The following ZC3H12D variants were observed in gnomAD, a reference collection of about 807,000 sequenced individuals.
The protein encoded by ZC3H12D is zinc finger CCCH-type containing 12D.
Under a neutral mutation model 24.2 loss-of-function variants are expected in ZC3H12D, and 11 were observed. That is an observed-to-expected ratio of 0.46 (90% CI 0.29 to 0.75). The LOEUF is 0.75. Ranked by LOEUF, ZC3H12D falls within the 30% of genes least tolerant of loss-of-function variation. The pLI is 0.11. For missense variants in ZC3H12D, 740 were observed against 767.7 expected (o/e 0.96, Z 0.43); for synonymous variants, 333 against 341.8 (o/e 0.97, Z 0.28).
At position 149,478,902 on chromosome 6, in the gene ZC3H12D, T is replaced by G. The variant is rs539464780; in HGVS notation, c.-70-4289A>C. On this transcript the variant is annotated intron_variant, in intron 1 of 5. Transcript: ENST00000409806. ...AGTCGGATCATGTTCGCCACCTGCTTCGAAATCTCCTCATTGGCTACAAGA... is the reference window on the plus strand; with the variant it reads ...AGTCGGATCATGTTCGCCACCTGCTGCGAAATCTCCTCATTGGCTACAAGA... Among the ~76,000 whole-genome samples, 9 of 152,302 alleles carry G rather than the reference T, an allele frequency of 5.9e-5. No individual in the cohort carries two copies. In the East Asian group the frequency reaches 1.2e-3, roughly 20 times the overall value.
intron 3 of ZC3H12D, chr6:149,459,769 T>C (rs1183997140): frequency 8.4e-6 from 6 of 712,772 alleles, no homozygotes; most frequent in African/African-American, 1.8e-5. Flanking sequence ...CATTCTGCCA[T>C]TGGAATAAGT....
intron 1 of ZC3H12D, among the ~76,000 whole-genome samples, chr6:149,478,797 A>G (rs1171309687): frequency 6.6e-6 from 1 of 151,374 alleles, no homozygotes; most frequent in Non-Finnish European, 1.5e-5. Flanking sequence ...CCCACCCCTC[A>G]GTCCTGCCAT....
chr6:149,465,598 C>CAAA (rs1776145415), intron 2 of ZC3H12D, among the ~76,000 whole-genome samples: 1 of 151,852 alleles, frequency 6.6e-6, no homozygotes, highest in African/African-American at 2.4e-5. Context: ...ACTAAAAATA[C>CAAA]AAAAAATTTA....
At chr6:149,461,575 A>G (rs1181079423) in intron 3 of ZC3H12D, 1 of 273,722 alleles carries the variant, frequency 3.7e-6, no homozygotes, top group African/African-American at 2.2e-5. Flanking sequence ...TAGTTTGTTC[A>G]TTCATCTACT....
Position 149,456,450 on chromosome 6 carries a change from T to C in ZC3H12D, c.680+216A>G, listed in dbSNP as rs1374911288. Reference sequence around the variant, plus strand: ...ACCTCTTGGGCTTCTCTGTGGTGTGTCAGATGTGGCCCTGGGAACAGCAAG... The same window carrying C: ...ACCTCTTGGGCTTCTCTGTGGTGTGCCAGATGTGGCCCTGGGAACAGCAAG... On this transcript the variant is annotated intron_variant, in intron 4 of 5. Coordinates refer to ENST00000409806, the MANE Select transcript of ZC3H12D (RefSeq NM_207360.3). This position sits in a 1 kb window ranked among gnomAD's most constrained non-coding sequence, Gnocchi z 4.3. Among the ~76,000 whole-genome samples the C allele has an allele frequency of 6.6e-6, 1 of 151,990 alleles. No individual in the cohort carries two copies. The highest frequency in any genetic ancestry group is 1.5e-5 in the Non-Finnish European group (1 of 67,988).
At position 149,451,535 on chromosome 6, in the gene ZC3H12D, C is replaced by T; in HGVS notation, c.788-56G>A. On this transcript the variant is annotated intron_variant, in intron 5 of 5. Coordinates refer to ENST00000409806, the MANE Select transcript of ZC3H12D (RefSeq NM_207360.3). ...CGTGAGGCCCGGGGGCGCGGAGGGG[C>T]GGTGGTTCCTGGTGCATCCGGGGAG... is the stretch of plus-strand genomic sequence containing the variant. 5 of 1,447,146 alleles carry T rather than the reference C, an allele frequency of 3.5e-6. No homozygotes were observed. In the South Asian group the frequency reaches 6.5e-5, roughly 19 times the overall value. The allele number at this position is 1,447,146 out of a possible 1,614,324, so 89.6% of individuals were successfully genotyped here.
Position 149,450,854 on chromosome 6 carries a change from C to T in ZC3H12D, c.1413G>A (p.Glu471=), listed in dbSNP as rs79387518. 3.9e-3 allele frequency: 6,033 copies of T among 1,544,004 alleles called. 193 individuals are homozygous for T. The African/African-American group carries it at 0.073, about 19-fold the overall frequency. Residue 471 remains glutamate (E), a synonymous_variant, in exon 6 of 6, where the codon GAG becomes GAA. Coordinates refer to ENST00000409806, the MANE Select transcript of ZC3H12D (RefSeq NM_207360.3). ...ATGGLSVYAT[E]DDEGDARARA... ...GGGCGCGCGCGTCCCCCTCGTCGTC[C>T]TCGGTCGCGTACACTGAAAGTCCCC...
chr6:149,457,067 A>G (rs1775996628), intron 3 of ZC3H12D, among the ~76,000 whole-genome samples, 167 bp from the exon 4 acceptor site: 1 of 152,182 alleles, frequency 6.6e-6, no homozygotes, highest in African/African-American at 2.4e-5. Flanking sequence ...CTTTCACTCA[A>G]TTTCACTGAA....
At chr6:149,476,105 T>A (rs1776335700) in intron 1 of ZC3H12D, among the ~76,000 whole-genome samples, 1 of 152,244 alleles carries the variant, frequency 6.6e-6, no homozygotes, top group Non-Finnish European at 1.5e-5. Flanking sequence ...TTTACTTGCA[T>A]GTCTAATAGA....
intron 2 of ZC3H12D, among the ~76,000 whole-genome samples, chr6:149,464,170 G>A (rs1427795161): frequency 6.6e-6 from 1 of 152,168 alleles, no homozygotes; most frequent in African/African-American, 2.4e-5. Flanking sequence ...GTAGAGGGGG[G>A]CAATATCATA....
At chr6:149,469,873 C>A (rs943073324) in intron 2 of ZC3H12D, among the ~76,000 whole-genome samples, 2 of 152,114 alleles carry the variant, frequency 1.3e-5, no homozygotes, top group Non-Finnish European at 2.9e-5. Context: ...AGCCAGAGCC[C>A]GCCTCTGGGT....
At chr6:149,453,338 A>C (rs1397115609) in intron 4 of ZC3H12D, among the ~76,000 whole-genome samples, 1 of 151,398 alleles carries the variant, frequency 6.6e-6, no homozygotes, top group Non-Finnish European at 1.5e-5. Flanking sequence ...TTCGCGCAAG[A>C]CCTGCTTCAT....
intron 3 of ZC3H12D, among the ~76,000 whole-genome samples, chr6:149,458,111 C>CTCGTTTCTTTTTTTTTTTTTTTTTTTTTT (rs1246641761): frequency 1.2e-5 from 1 of 80,240 alleles, no homozygotes; most frequent in African/African-American, 4.6e-5. Flanking sequence ...CTTTCTTTTT[C>CTCGTTTCTTTTTTTTTTTTTTTTTTTTTT]TTTTTTTTTT....
At chr6:149,481,768 G>A (rs118150034) in intron 1 of ZC3H12D, among the ~76,000 whole-genome samples, 67 of 152,338 alleles carry the variant, frequency 4.4e-4, no homozygotes, top group Admixed American at 1.3e-3. Flanking sequence ...AGGAAACTGA[G>A]GCTCGGAAAG....
At position 149,452,650 on chromosome 6, in the gene ZC3H12D, C is replaced by T; in HGVS notation, c.753G>A (p.Lys251=). Residue 251 remains lysine (K), a synonymous_variant, in exon 5 of 6, where the codon AAG becomes AAA. Coordinates refer to ENST00000409806, the MANE Select transcript of ZC3H12D (RefSeq NM_207360.3). The surrounding 1 kb of genome is among the most constrained non-coding windows in gnomAD (Gnocchi z 4.0). ...SLSNFLSRKP[K]PPEPSWQHCP... ...AATGCTGCCAGGATGGCTCTGGGGG[C>T]TTCGGCTTCCTGCTCAGGAAGTTGC... 1.9e-6 allele frequency: 3 copies of T among 1,603,884 alleles called. No individual in the cohort carries two copies. The highest frequency in any genetic ancestry group is 2.6e-6 in the Non-Finnish European group (3 of 1,175,704).
In ZC3H12D at chr6:149,456,740, G is replaced by A; in HGVS notation, c.606C>T (p.Asp202=). 4.3e-6 allele frequency: 7 copies of A among 1,613,836 alleles called. No individual in the cohort carries two copies. Among genetic ancestry groups the A allele is most frequent in the African/African-American group, 1.3e-5 (1 of 75,052 alleles). ...TCCACTCGGGGTTCTCGCTCTGCAG[G>A]TCCCGGTAGTTGTCGTTGGAGACGA... ...GVIVSNDNYR[D]LQSENPEWKW... is the part of the protein sequence containing the mutation. The change falls in exon 4 of 6, where the codon GAC becomes GAT. Residue 202 remains aspartate (D), a synonymous_variant. Coordinates refer to ENST00000409806, the MANE Select transcript of ZC3H12D (RefSeq NM_207360.3). The surrounding 1 kb of genome is among the most constrained non-coding windows in gnomAD (Gnocchi z 4.3).
rs1256077439 is a variant in ZC3H12D at position 149,456,312 on chromosome 6, C to T, written c.680+354G>A. On this transcript the variant is annotated intron_variant, in intron 4 of 5. Coordinates refer to ENST00000409806, the MANE Select transcript of ZC3H12D (RefSeq NM_207360.3). This position sits in a 1 kb window ranked among gnomAD's most constrained non-coding sequence, Gnocchi z 4.3. ...ACAAAAACCTGAAATAAGTGAAAAG[C>T]AATACAACAAAGTACAGATCTTTTC... 2.0e-5 allele frequency among the ~76,000 whole-genome samples: 3 copies of T among 152,000 alleles called. No homozygotes were observed. The highest frequency in any genetic ancestry group is 7.3e-5 in the African/African-American group (3 of 41,358).
chr6:149,461,604 C>T (rs946464496), intron 3 of ZC3H12D: 9 of 335,290 alleles, frequency 2.7e-5, no homozygotes, highest in Non-Finnish European at 4.3e-5. Context: ...GCTTATTGAA[C>T]GCCTAATTTT....
At chr6:149,464,355 G>A (rs975548109) in intron 2 of ZC3H12D, among the ~76,000 whole-genome samples, 1 of 152,186 alleles carries the variant, frequency 6.6e-6, no homozygotes, top group Non-Finnish European at 1.5e-5. Context: ...GAGACAAGTG[G>A]ATAGATTTGA....
Sources: allele counts gnomAD v4.1 joint callset (sites outside exome capture counted in the v4.1 genomes callset), GRCh38; gene constraint gnomAD v4.1.1; non-coding constraint Gnocchi (gnomAD v3.1); transcripts MANE v1.5; gene names NCBI Gene and HGNC (gene_info 2026-07-23, HGNC 2026-07-21).